The following DCAF1 variants were observed in gnomAD, a reference collection of about 807,000 sequenced individuals.
The protein encoded by DCAF1 is DDB1 and CUL4 associated factor 1.
In DCAF1, 15 loss-of-function variants were observed where a neutral mutation model predicts 128.0. The observed-to-expected ratio is 0.12, with a 90% confidence interval of 0.08 to 0.18. The LOEUF (loss-of-function observed/expected upper bound fraction) is 0.18. Ranked by LOEUF, DCAF1 falls within the 10% of genes least tolerant of loss-of-function variation. DCAF1 has a pLI of 1.00. For missense variants in DCAF1, 988 were observed against 1,649.5 expected (o/e 0.60, Z 6.95); for synonymous variants, 610 against 603.0 (o/e 1.01, Z -0.17).
intron 14 of DCAF1, among the ~76,000 whole-genome samples, chr3:51,422,053 C>G (rs1699445208): frequency 6.6e-6 from 1 of 151,982 alleles, no homozygotes. Context: ...CTCAGAAAAC[C>G]TGAGTTTACT....
chr3:51,443,087 G>A (rs1190025808), intron 7 of DCAF1, among the ~76,000 whole-genome samples: 2 of 151,950 alleles, frequency 1.3e-5, no homozygotes, highest in Admixed American at 6.6e-5. Context: ...AAATTTGATG[G>A]GGGGGAGGGA....
At chr3:51,468,822 ATCTT>A (rs1704417723) in intron 4 of DCAF1, among the ~76,000 whole-genome samples, 1 of 152,176 alleles carries the variant, frequency 6.6e-6, no homozygotes, top group Non-Finnish European at 1.5e-5. Flanking sequence ...AAAATGTCAT[ATCTT>A]TCTCTGTCTC....
At chr3:51,477,155 G>A (rs782457607) in intron 3 of DCAF1, among the ~76,000 whole-genome samples, 1 of 151,886 alleles carries the variant, frequency 6.6e-6, no homozygotes, top group African/African-American at 2.4e-5. Flanking sequence ...TCAAGTCAAA[G>A]GCTAATAAAA....
At chr3:51,438,038 T>G (rs1553637466) in intron 9 of DCAF1, 2 of 406,970 alleles carry the variant, frequency 4.9e-6, no homozygotes, top group Non-Finnish European at 9.5e-6. Context: ...TGTTATATGT[T>G]CATCTTAAAA....
intron 17 of DCAF1, among the ~76,000 whole-genome samples, chr3:51,417,807 G>C (rs1699030710): frequency 6.6e-6 from 1 of 150,788 alleles, no homozygotes; most frequent in African/African-American, 2.4e-5. Flanking sequence ...AGGTGAGGGG[G>C]GAGGGGAGGG....
In DCAF1 at chr3:51,463,228, C is replaced by A; in HGVS notation, c.262-1G>T. 1 of 1,539,510 alleles carries A rather than the reference C, an allele frequency of 6.5e-7. No individual in the cohort carries two copies. The highest frequency in any genetic ancestry group is 8.7e-7 in the Non-Finnish European group (1 of 1,146,298). Reference sequence around the variant, plus strand: ...TTGTCATCACATATGCATTCACCAGCTGTAAAGAAAAAAAAGAAATACTGT... The same window carrying A: ...TTGTCATCACATATGCATTCACCAGATGTAAAGAAAAAAAAGAAATACTGT... On this transcript the variant is annotated splice_acceptor_variant, in intron 5 of 24. Coordinates refer to ENST00000684031, the MANE Select transcript of DCAF1 (RefSeq NM_001387579.1). LOFTEE classifies it high-confidence loss of function.
upstream of DCAF1, among the ~76,000 whole-genome samples, chr3:51,500,875 G>A (rs961081128): frequency 2.1e-5 from 3 of 146,208 alleles, no homozygotes; most frequent in Admixed American, 7.3e-5. Context: ...GCAGTGGCGC[G>A]ATCACAGCTC....
intron 19 of DCAF1, 83 bp downstream of exon 19, chr3:51,414,541 T>C: frequency 6.5e-7 from 1 of 1,538,404 alleles, no homozygotes; most frequent in East Asian, 2.3e-5. Flanking sequence ...TTTAACCAGG[T>C]ATTGGTATAA....
chr3:51,497,941 T>C (rs1180225708), intron 1 of DCAF1, among the ~76,000 whole-genome samples: 6 of 148,368 alleles, frequency 4.0e-5, no homozygotes, highest in African/African-American at 1.5e-4. Flanking sequence ...TCCTAGCTAC[T>C]TGGGAGGCTG....
chr3:51,443,934 C>T (rs781973748), intron 6 of DCAF1, 31 bp from the exon 7 acceptor site: 32 of 1,539,516 alleles, frequency 2.1e-5, no homozygotes, highest in Middle Eastern at 1.7e-4. Context: ...TAGTACATTT[C>T]GGAAAAAGCC....
rs560289268 is a variant in DCAF1, at chr3:51,436,133, T to G, written c.1129-2869A>C. On this transcript the variant is annotated intron_variant, in intron 9 of 24. Coordinates refer to ENST00000684031, the MANE Select transcript of DCAF1 (RefSeq NM_001387579.1). Reference sequence around the variant, plus strand: ...TTGACTATACACCCCAGTACTGAATTCCCTTCCCATCTACCAGAAAATTCA... The same window carrying G: ...TTGACTATACACCCCAGTACTGAATGCCCTTCCCATCTACCAGAAAATTCA... Among the ~76,000 whole-genome samples, 7 of 152,128 alleles carry G rather than the reference T, an allele frequency of 4.6e-5. No homozygotes were observed. In the South Asian group the frequency reaches 1.4e-3, roughly 31 times the overall value.
chr3:51,499,821 C>T (rs1475104235), intron 1 of DCAF1, 52 bp downstream of exon 1: 1 of 151,598 alleles, frequency 6.6e-6, no homozygotes, highest in East Asian at 2.0e-4. Flanking sequence ...GCCGCGCGAC[C>T]TGCTTCCTCG....
Position 51,412,409 on chromosome 3 carries a change from C to A in DCAF1, c.4182G>T (p.Leu1394=), listed in dbSNP as rs1371051985. The change falls in exon 23 of 25, where the codon CTG becomes CTT. Residue 1394 remains leucine (L), a synonymous_variant. Transcript: ENST00000684031. ...CCTCCTCTTCATCCTCATCCTCTGC[C>A]AGACGCTGCCTGCCCACTTCATACA... ...CRLYEVGRQR[L]AEDEDEEEDQ... 1 of 1,613,922 alleles carries A rather than the reference C, an allele frequency of 6.2e-7. No individual in the cohort carries two copies. Among genetic ancestry groups the A allele is most frequent in the Non-Finnish European group, 8.5e-7 (1 of 1,179,876 alleles).
intron 2 of DCAF1, among the ~76,000 whole-genome samples, chr3:51,486,794 C>A (rs1354097874): frequency 6.6e-6 from 1 of 151,512 alleles, no homozygotes; most frequent in Non-Finnish European, 1.5e-5. Flanking sequence ...CCAGCATGCC[C>A]GGCTAATTTT....
chr3:51,453,303 A>T (rs1280601838), intron 6 of DCAF1, among the ~76,000 whole-genome samples: 4 of 152,142 alleles, frequency 2.6e-5, no homozygotes, highest in African/African-American at 9.7e-5. Context: ...AAGAATCAAG[A>T]TCTTTCATTT....
At chr3:51,496,655 T>C (rs1553661083) in intron 2 of DCAF1, among the ~76,000 whole-genome samples, 79 bp downstream of exon 2, 1 of 151,838 alleles carries the variant, frequency 6.6e-6, no homozygotes, top group East Asian at 1.9e-4. Flanking sequence ...GGAAACTAGC[T>C]CAGAGAGGTC....
rs782814308 is a variant in DCAF1 at position 51,419,805 on chromosome 3, G to A, written c.3165C>T (p.Asn1055=). Residue 1055 remains asparagine (N), a synonymous_variant, in exon 15 of 25, where the codon AAC becomes AAT. Coordinates refer to ENST00000684031, the MANE Select transcript of DCAF1 (RefSeq NM_001387579.1). The part of the protein sequence containing the change: ...QAPINFTSRL[N]RRASFPKYGG... ...CATACTTTGGAAATGATGCCCTGCG[G>A]TTTAGCCTTGACGTAAAGTTTATTG... 7 of 1,613,922 alleles carry A rather than the reference G, an allele frequency of 4.3e-6. No individual in the cohort carries two copies. Among genetic ancestry groups the A allele is most frequent in the Admixed American group, 1.7e-5 (1 of 60,012 alleles).
upstream of DCAF1, among the ~76,000 whole-genome samples, chr3:51,500,476 TTC>T (rs1708743009): frequency 6.6e-6 from 1 of 152,198 alleles, no homozygotes; most frequent in South Asian, 2.1e-4. Context: ...AAGAAAATAT[TTC>T]TCATAAACAT....
rs782735000 is a variant in DCAF1 at position 51,441,775 on chromosome 3, C to G, written c.636G>C (p.Glu212Asp). The G allele has an allele frequency of 1.9e-6, 3 of 1,613,980 alleles. 1 individual carries two copies. The highest frequency in any genetic ancestry group is 2.2e-5 in the South Asian group (2 of 91,076). Residue 212 changes from glutamate to aspartate, a missense_variant, in exon 8 of 25, where the codon GAG (glutamate) becomes GAC (aspartate). This residue lies in a region of DCAF1 where 210 missense variants were observed against 260.2 expected (regional missense o/e 0.81). Coordinates refer to ENST00000684031, the MANE Select transcript of DCAF1 (RefSeq NM_001387579.1). ...TGTCACCATAGTCCATATCCACAGC[C>G]TCCTCATCCAGAGGCAAAAGGGGTT... Reference protein sequence around the residue: ...SSEPLLPLDEEAVDMDYGDMA... With the variant: ...SSEPLLPLDEDAVDMDYGDMA...
Sources: allele counts gnomAD v4.1 joint callset (sites outside exome capture counted in the v4.1 genomes callset), GRCh38; gene constraint gnomAD v4.1.1; regional missense constraint gnomAD v4.1.1; transcripts MANE v1.5; gene names NCBI Gene and HGNC (gene_info 2026-07-23, HGNC 2026-07-21).